Variants in NEGR1 observed in about 807,000 individuals in gnomAD.
The protein encoded by NEGR1 is IgLON family member 4.
In NEGR1, 10 loss-of-function variants were observed where a neutral mutation model predicts 40.9. That is an observed-to-expected ratio of 0.24 (90% CI 0.15 to 0.42). NEGR1 has a LOEUF of 0.42. NEGR1 is among the 10% of genes least tolerant of loss of function. The pLI, the probability that NEGR1 is intolerant of heterozygous loss-of-function variation, is 1.00. For synonymous variants in NEGR1, 185 were observed against 166.8 expected, an observed-to-expected ratio of 1.11 and a Z score of -0.84; for missense variants, 352 against 438.9, an observed-to-expected ratio of 0.80 and a Z score of 1.77.
intron 6 of NEGR1, among the ~76,000 whole-genome samples, chr1:71,470,002 C>T (rs1250554862): frequency 6.6e-6 from 1 of 152,014 alleles, no homozygotes; most frequent in Non-Finnish European, 1.5e-5. Context: ...TTTAGTCTTC[C>T]TACTCTCAGA....
At chr1:71,676,068 T>C (rs1652624085) in intron 4 of NEGR1, among the ~76,000 whole-genome samples, 2 of 152,190 alleles carry the variant, frequency 1.3e-5, no homozygotes, top group African/African-American at 2.4e-5. Context: ...TATAAAATAA[T>C]ATTTACAATG....
At chr1:71,522,022 A>G (rs1247550527) in intron 6 of NEGR1, among the ~76,000 whole-genome samples, 2 of 152,018 alleles carry the variant, frequency 1.3e-5, no homozygotes, top group African/African-American at 4.8e-5. Flanking sequence ...ATGAACTGAA[A>G]GCCTTTGAAA....
chr1:71,425,432 A>G (rs945675033), intron 6 of NEGR1, among the ~76,000 whole-genome samples: 8 of 152,164 alleles, frequency 5.3e-5, no homozygotes, highest in African/African-American at 1.9e-4. Context: ...CCTTTCCCCA[A>G]CTATAAAAAC....
intron 2 of NEGR1, among the ~76,000 whole-genome samples, chr1:71,788,869 T>C (rs1657007493): frequency 6.6e-6 from 1 of 152,142 alleles, no homozygotes; most frequent in Admixed American, 6.6e-5. Context: ...ACATAGGTGC[T>C]GTTGATTTAA....
intron 2 of NEGR1, among the ~76,000 whole-genome samples, chr1:71,778,163 G>A (rs1231001684): frequency 6.6e-6 from 1 of 151,524 alleles, no homozygotes; most frequent in Non-Finnish European, 1.5e-5. Context: ...AAGCACATGT[G>A]GATATATATA....
intron 2 of NEGR1, among the ~76,000 whole-genome samples, chr1:71,900,951 T>C (rs1231893147): frequency 6.6e-6 from 1 of 152,180 alleles, no homozygotes; most frequent in Non-Finnish European, 1.5e-5. Context: ...ATCATCATCA[T>C]ACTAAGCAGT....
chr1:72,163,897 A>T (rs1651681320), intron 1 of NEGR1, among the ~76,000 whole-genome samples: 1 of 152,120 alleles, frequency 6.6e-6, no homozygotes, highest in African/African-American at 2.4e-5. Flanking sequence ...TATCAAAGAA[A>T]ATGAGTATTT....
intron 6 of NEGR1, among the ~76,000 whole-genome samples, chr1:71,481,324 A>G (rs1478677597): frequency 1.3e-5 from 2 of 151,914 alleles, no homozygotes; most frequent in African/African-American, 4.8e-5. Flanking sequence ...ATAGACAAAC[A>G]CTTTTAAAAA....
At chr1:71,896,680 G>A (rs368652618) in intron 2 of NEGR1, among the ~76,000 whole-genome samples, 11 of 152,194 alleles carry the variant, frequency 7.2e-5, no homozygotes, top group Admixed American at 2.0e-4. Flanking sequence ...GTTGTAGCTC[G>A]TACCTTCAGA....
chr1:71,504,577 C>T (rs1230004941), intron 6 of NEGR1, among the ~76,000 whole-genome samples: 2 of 152,118 alleles, frequency 1.3e-5, no homozygotes, highest in African/African-American at 4.8e-5. Context: ...CTAGGGGCTT[C>T]AGGGGTTCCT....
intron 1 of NEGR1, among the ~76,000 whole-genome samples, chr1:72,125,907 G>T (rs1240954804): frequency 1.3e-5 from 2 of 152,138 alleles, no homozygotes; most frequent in Non-Finnish European, 2.9e-5. Context: ...GAAGCCAGGT[G>T]TCCAGACTCT....
intron 4 of NEGR1, among the ~76,000 whole-genome samples, chr1:71,675,893 C>T (rs1652618402): frequency 6.6e-6 from 1 of 151,960 alleles, no homozygotes; most frequent in Non-Finnish European, 1.5e-5. Context: ...CCTCTGACCT[C>T]CTGGTCTAAA....
At chr1:71,547,326 T>C (rs1424943380) in intron 6 of NEGR1, among the ~76,000 whole-genome samples, 1 of 151,734 alleles carries the variant, frequency 6.6e-6, no homozygotes, top group Admixed American at 6.6e-5. Flanking sequence ...GACAATAGAC[T>C]GGGAAGTATT....
At chr1:72,005,524 TG>T (rs1285515048) in intron 1 of NEGR1, among the ~76,000 whole-genome samples, 9 of 152,206 alleles carry the variant, frequency 5.9e-5, no homozygotes, top group African/African-American at 2.2e-4. Flanking sequence ...TAAGCATTCA[TG>T]TTCTATAATT....
intron 6 of NEGR1, among the ~76,000 whole-genome samples, chr1:71,411,328 G>A (rs1646318957): frequency 6.6e-6 from 1 of 152,132 alleles, no homozygotes; most frequent in Admixed American, 6.5e-5. Flanking sequence ...AGATCATTAA[G>A]TGGATAATAT....
In NEGR1 at chr1:71,999,676, T is replaced by TATATACAC. The variant is rs1553129022; in HGVS notation, c.177-64366_177-64365insGTGTATAT. On this transcript the variant is annotated intron_variant, in intron 1 of 6. Coordinates refer to ENST00000357731, the MANE Select transcript of NEGR1 (RefSeq NM_173808.3). ...ATATATATATATATATATATATATATATACATACATATTTTTGTCCGGTCT... is the reference window on the plus strand; with the variant it reads ...ATATATATATATATATATATATATATATATACACATACATACATATTTTTGTCCGGTCT... Among the ~76,000 whole-genome samples, 3 of 52,228 alleles carry TATATACAC rather than the reference T, an allele frequency of 5.7e-5. 1 individual carries two copies. The highest frequency in any genetic ancestry group is 1.2e-4 in the Non-Finnish European group (3 of 25,280). 34.3% of individuals were successfully genotyped at this position (52,228 alleles called of 152,430 possible).
At chr1:71,848,106 GAATGCT>G in intron 2 of NEGR1, among the ~76,000 whole-genome samples, 1 of 152,274 alleles carries the variant, frequency 6.6e-6, no homozygotes, top group Non-Finnish European at 1.5e-5. Flanking sequence ...TTAACTCTAT[GAATGCT>G]GAGAAAGGTG....
chr1:72,241,115 A>C (rs1654718543), intron 1 of NEGR1, among the ~76,000 whole-genome samples: 2 of 151,728 alleles, frequency 1.3e-5, no homozygotes. Flanking sequence ...TTTGTATTTT[A>C]ATTTTTATCG....
At chr1:71,496,830 T>C (rs986215573) in intron 6 of NEGR1, among the ~76,000 whole-genome samples, 1 of 152,158 alleles carries the variant, frequency 6.6e-6, no homozygotes, top group Non-Finnish European at 1.5e-5. Flanking sequence ...AACCTATCAA[T>C]GGAATAAGTG....
Sources: gnomAD v4.1 joint callset for allele counts (sites outside exome capture counted in the v4.1 genomes callset) on GRCh38, gnomAD v4.1.1 for gene constraint, MANE v1.5 for transcripts, NCBI Gene and HGNC (gene_info 2026-07-23, HGNC 2026-07-21) for gene names.